ELFN2: variants seen among roughly 807,000 people sequenced by gnomAD.
The protein encoded by ELFN2 is protein phosphatase 1 regulatory subunit 29.
Under a neutral mutation model 45.5 loss-of-function variants are expected in ELFN2, and 17 were observed. The observed-to-expected ratio is 0.37, with a 90% CI of 0.26 to 0.56. The LOEUF is 0.56. Among genes scored for constraint, ELFN2 ranks in the 20% least tolerant of loss-of-function variants. The probability of loss-of-function intolerance (pLI) is 0.77; values close to 1 mark genes in which losing one functional copy is unlikely to be tolerated. For synonymous variants in ELFN2, 550 were observed against 551.5 expected, an observed-to-expected ratio of 1.00 and a Z score of 0.04; for missense variants, 922 against 1,183.2, an observed-to-expected ratio of 0.78 and a Z score of 3.24.
At chr22:37,383,789 C>A (rs9610726) in intron 2 of ELFN2, among the ~76,000 whole-genome samples, 3 of 152,248 alleles carry the variant, frequency 2.0e-5, no homozygotes, top group African/African-American at 7.2e-5. Context: ...TAACAAGAAC[C>A]ACACAGCACC....
intron 2 of ELFN2, among the ~76,000 whole-genome samples, chr22:37,405,023 A>T (rs2145675397): frequency 6.6e-6 from 1 of 151,600 alleles, no homozygotes; most frequent in South Asian, 2.1e-4. Flanking sequence ...CCCTGGGCTG[A>T]ATCCTGGGTC....
intron 2 of ELFN2, among the ~76,000 whole-genome samples, chr22:37,379,851 G>A (rs960022733): frequency 5.3e-5 from 8 of 152,096 alleles, no homozygotes; most frequent in African/African-American, 1.9e-4. Flanking sequence ...CTTTCCGCCC[G>A]GGTGCTCCTA....
At chr22:37,392,185 A>T (rs1465749648) in intron 2 of ELFN2, among the ~76,000 whole-genome samples, 1 of 152,206 alleles carries the variant, frequency 6.6e-6, no homozygotes, top group Non-Finnish European at 1.5e-5. Context: ...CCCGTCTCTA[A>T]AAAGGCTCAC....
intron 2 of ELFN2, among the ~76,000 whole-genome samples, chr22:37,395,150 T>TAAAC (rs559829736): frequency 1.4e-5 from 2 of 147,608 alleles, no homozygotes; most frequent in Admixed American, 1.4e-4. Context: ...AATAAATAAA[T>TAAAC]ATTGTTGGAT....
At chr22:37,390,393 C>T (rs1411218647) in intron 2 of ELFN2, among the ~76,000 whole-genome samples, 1 of 152,202 alleles carries the variant, frequency 6.6e-6, no homozygotes, top group Non-Finnish European at 1.5e-5. Flanking sequence ...CAGAGGGAAG[C>T]AAGGAGTGAT....
In ELFN2 at chr22:37,374,146, G is replaced by A. The variant is rs139310200; in HGVS notation, c.1389C>T (p.Pro463=). 4.9e-4 allele frequency: 797 copies of A among 1,612,912 alleles called. 2 individuals are homozygous for A. Among genetic ancestry groups the A allele is most frequent in the Non-Finnish European group, 6.2e-4 (733 of 1,180,026 alleles). ...AGGCCATGCGAGATACGGGCAGCACGGGAGGCTCGCCCAGCTTCTGGGCGG... is the reference window on the plus strand; with the variant it reads ...AGGCCATGCGAGATACGGGCAGCACAGGAGGCTCGCCCAGCTTCTGGGCGG... ...VHAAQKLGEP[P]VLPVSRMASI... Residue 463 remains proline (P), a synonymous_variant, in exon 3 of 3, where the codon CCC becomes CCT. Transcript: ENST00000402918.
At chr22:37,346,663 C>G (rs910599711) in intron 1 of ELFN2, among the ~76,000 whole-genome samples, 3 of 152,182 alleles carry the variant, frequency 2.0e-5, no homozygotes, top group African/African-American at 7.2e-5. Context: ...AAGCTAGGGG[C>G]CTGTGTTCAT....
Position 37,391,899 on chromosome 22 carries a change from G to A in ELFN2, c.-462-15903C>T, listed in dbSNP as rs769795724. 7.2e-5 allele frequency among the ~76,000 whole-genome samples: 11 copies of A among 152,336 alleles called. No individual in the cohort carries two copies. The East Asian group carries it at 1.9e-3, about 27-fold the overall frequency. ...GAGGAAGGGGTGCAGACCTGGGCCT[G>A]AGCCCAACTGGCCCTCGCGTGGCTG... On this transcript the variant is annotated intron_variant, in intron 2 of 2. Transcript: ENST00000402918.
intron 2 of ELFN2, among the ~76,000 whole-genome samples, chr22:37,387,242 T>C (rs1476301029): frequency 2.0e-5 from 3 of 152,024 alleles, no homozygotes; most frequent in Non-Finnish European, 4.4e-5. Flanking sequence ...ACCTTCAGCC[T>C]GTTCCCCGGC....
chr22:37,374,776 C>T lies in ELFN2; in HGVS notation c.759G>A (p.Arg253=). Residue 253 remains arginine, a synonymous_variant, in exon 3 of 3, where the codon CGG becomes CGA. Coordinates refer to ENST00000402918, the MANE Select transcript of ELFN2 (RefSeq NM_052906.5). ...AKCRNGSLPA[R]PVSHPTPYST... ...AGTAGGGCGTGGGGTGGCTCACGGG[C>T]CGGGCGGGCAGCGAGCCATTCCGAC... The T allele has an allele frequency of 2.5e-6, 4 of 1,608,052 alleles. No individual in the cohort carries two copies. Among genetic ancestry groups the T allele is most frequent in the Non-Finnish European group, 3.4e-6 (4 of 1,178,960 alleles).
rs187891622 is a variant in ELFN2, at chr22:37,357,495, C to T, written n.149-14792G>A. On this transcript the variant is annotated intron_variant and non_coding_transcript_variant, in intron 1 of 2. Coordinates refer to ENST00000452946, the Ensembl canonical transcript of ELFN2. Reference sequence around the variant, plus strand: ...TTCCTACTCTCCTTTTCCTCTCACACTGATCATCCTTTTCTTACTGATTTT... The same window carrying T: ...TTCCTACTCTCCTTTTCCTCTCACATTGATCATCCTTTTCTTACTGATTTT... 2.0e-5 allele frequency among the ~76,000 whole-genome samples: 3 copies of T among 152,354 alleles called. No homozygotes were observed. In the East Asian group the frequency reaches 5.8e-4, roughly 29 times the overall value.
At chr22:37,378,071 C>G (rs970289751) in intron 2 of ELFN2, among the ~76,000 whole-genome samples, 1 of 152,202 alleles carries the variant, frequency 6.6e-6, no homozygotes, top group Non-Finnish European at 1.5e-5. Context: ...GTCTGGGGAC[C>G]GCATTTGTAT....
At chr22:37,365,912 G>A (rs1931194861), downstream of ELFN2, among the ~76,000 whole-genome samples, 2 of 152,212 alleles carry the variant, frequency 1.3e-5, no homozygotes, top group African/African-American at 2.4e-5. Flanking sequence ...ATCTGAGCAC[G>A]TGTAGCGTTT....
In ELFN2 at chr22:37,368,137, G is replaced by C. The variant is rs1185478354; in HGVS notation, c.*4935C>G. ...AACCCCCACCCCCAAAAGAAGAAAA[G>C]GAGAGGGTTCAAGGCCCTCAGAGGA... On this transcript the variant is annotated 3_prime_UTR_variant, in exon 3 of 3. Coordinates refer to ENST00000402918, the MANE Select transcript of ELFN2 (RefSeq NM_052906.5). 1.3e-5 allele frequency: 2 copies of C among 152,390 alleles called. No individual in the cohort carries two copies. The highest frequency in any genetic ancestry group is 6.5e-5 in the Admixed American group (1 of 15,282). 9.4% of individuals were successfully genotyped at this position (152,390 alleles called of 1,614,324 possible).
chr22:37,350,449 G>T (rs887189492), intron 1 of ELFN2, among the ~76,000 whole-genome samples: 8 of 150,532 alleles, frequency 5.3e-5, no homozygotes, highest in African/African-American at 1.9e-4. Flanking sequence ...CACCCAGGGG[G>T]TGAGGGGAGG....
chr22:37,365,454 C>T (rs1427773080), downstream of ELFN2, among the ~76,000 whole-genome samples: 1 of 152,166 alleles, frequency 6.6e-6, no homozygotes, highest in Non-Finnish European at 1.5e-5. Flanking sequence ...CCCTGGAGCC[C>T]TGCTGCGGGG....
downstream of ELFN2, among the ~76,000 whole-genome samples, chr22:37,365,717 C>T (rs1931188398): frequency 6.6e-6 from 1 of 152,182 alleles, no homozygotes; most frequent in African/African-American, 2.4e-5. Context: ...CCTTGTCCCA[C>T]CTGAAATATC....
At chr22:37,394,545 G>A (rs974977973) in intron 2 of ELFN2, among the ~76,000 whole-genome samples, 8 of 152,104 alleles carry the variant, frequency 5.3e-5, no homozygotes, top group African/African-American at 1.7e-4. Flanking sequence ...TCCAGCCCCC[G>A]TGGACCGTCA....
intron 2 of ELFN2, among the ~76,000 whole-genome samples, chr22:37,378,460 G>A (rs563014513): frequency 7.9e-5 from 12 of 152,354 alleles, no homozygotes; most frequent in East Asian, 5.8e-4. Flanking sequence ...CAAAGGATGC[G>A]AAGAGGCTGA....
Sources: gnomAD v4.1 joint callset for allele counts (sites outside exome capture counted in the v4.1 genomes callset) on GRCh38, gnomAD v4.1.1 for gene constraint, MANE v1.5 for transcripts, NCBI Gene and HGNC (gene_info 2026-07-23, HGNC 2026-07-21) for gene names.